Variants in CTNND2 observed in about 807,000 individuals in gnomAD.
CTNND2 encodes catenin delta 2, also known as catenin delta-2.
CTNND2 carries 22 observed loss-of-function variants against 144.4 expected under a neutral mutation model. The observed-to-expected ratio is 0.15, with a 90% CI of 0.11 to 0.22. The LOEUF is 0.22. Among genes scored for constraint, CTNND2 ranks in the 10% least tolerant of loss-of-function variants. The pLI, the probability that CTNND2 is intolerant of heterozygous loss-of-function variation, is 1.00. For synonymous variants in CTNND2, 751 were observed against 695.6 expected (o/e 1.08, Z -1.25); for missense variants, 1,353 against 1,618.8 (o/e 0.84, Z 2.82).
At chr5:11,004,271 T>C (rs1441800461) in intron 18 of CTNND2, among the ~76,000 whole-genome samples, 3 of 152,226 alleles carry the variant, frequency 2.0e-5, no homozygotes. Context: ...GTGTTTCAAT[T>C]AGTACTGCAA....
At chr5:11,468,345 G>GA (rs1202140211) in intron 3 of CTNND2, among the ~76,000 whole-genome samples, 1 of 152,186 alleles carries the variant, frequency 6.6e-6, no homozygotes, top group Non-Finnish European at 1.5e-5. Flanking sequence ...TCATAAAACA[G>GA]AAAATCATTA....
chr5:11,240,122 ACC>A (rs552250334), intron 9 of CTNND2, among the ~76,000 whole-genome samples: 2 of 148,354 alleles, frequency 1.3e-5, no homozygotes, highest in Admixed American at 6.7e-5. Flanking sequence ...ACACACACAC[ACC>A]CCCAACACAC....
intron 8 of CTNND2, among the ~76,000 whole-genome samples, chr5:11,356,562 A>C (rs561969166): frequency 2.6e-5 from 4 of 152,236 alleles, no homozygotes; most frequent in East Asian, 3.9e-4. Context: ...TGGGTTAAAG[A>C]CTTAAATGTA....
At chr5:11,708,228 A>T (rs555881118) in intron 2 of CTNND2, among the ~76,000 whole-genome samples, 230 of 150,924 alleles carry the variant, frequency 1.5e-3, no homozygotes, top group African/African-American at 5.0e-3. Flanking sequence ...ATGATTTTTT[A>T]AACTTAAATA....
chr5:11,779,244 T>C (rs911864326), intron 1 of CTNND2, among the ~76,000 whole-genome samples: 1 of 152,220 alleles, frequency 6.6e-6, no homozygotes, highest in African/African-American at 2.4e-5. Flanking sequence ...ATATTTTTAA[T>C]GTTTTCTCAC....
At chr5:11,588,192 C>T (rs1489123419) in intron 2 of CTNND2, among the ~76,000 whole-genome samples, 1 of 152,056 alleles carries the variant, frequency 6.6e-6, no homozygotes, top group African/African-American at 2.4e-5. Flanking sequence ...AACAAGTTAG[C>T]TGCCCAGTAT....
At position 11,045,244 on chromosome 5, in the gene CTNND2, G is replaced by A. The variant is rs145512123; in HGVS notation, c.2789-22265C>T. ...GTTTATTTGGATCATGGTTCTGCAG[G>A]CTGTACATAAAGCATGGTGCCAGCA... On this transcript the variant is annotated intron_variant, in intron 16 of 21. Coordinates refer to ENST00000304623, the MANE Select transcript of CTNND2 (RefSeq NM_001332.4). Among the ~76,000 whole-genome samples the A allele has an allele frequency of 3.1e-4, 47 of 152,288 alleles. 1 individual carries two copies. Among genetic ancestry groups the A allele is most frequent in the African/African-American group, 1.1e-3 (47 of 41,568 alleles).
At chr5:11,635,799 T>C (rs1347928154) in intron 2 of CTNND2, among the ~76,000 whole-genome samples, 1 of 152,100 alleles carries the variant, frequency 6.6e-6, no homozygotes, top group Non-Finnish European at 1.5e-5. Flanking sequence ...TGCAGACACA[T>C]TGCCTGAGGA....
chr5:11,506,039 T>A (rs1770999141), intron 3 of CTNND2, among the ~76,000 whole-genome samples: 1 of 152,174 alleles, frequency 6.6e-6, no homozygotes, highest in Non-Finnish European at 1.5e-5. Context: ...GTGGTACCCA[T>A]GGTGTCTGTG....
chr5:11,379,605 A>G (rs1050921906), intron 7 of CTNND2, among the ~76,000 whole-genome samples: 1 of 152,186 alleles, frequency 6.6e-6, no homozygotes, highest in East Asian at 1.9e-4. Context: ...AAAAAATATA[A>G]AAAGTAGGTT....
intron 12 of CTNND2, among the ~76,000 whole-genome samples, chr5:11,142,674 C>T (rs185006107): frequency 2.1e-5 from 3 of 144,834 alleles, no homozygotes; most frequent in Admixed American, 1.4e-4. Context: ...AGTGCAGTGG[C>T]GCGATCTCGA....
At chr5:11,116,800 G>C (rs1025638793) in intron 13 of CTNND2, among the ~76,000 whole-genome samples, 4 of 152,190 alleles carry the variant, frequency 2.6e-5, no homozygotes, top group African/African-American at 9.7e-5. Context: ...GCTCATGCCT[G>C]TAATCCCAGC....
intron 16 of CTNND2, among the ~76,000 whole-genome samples, chr5:11,042,046 G>A (rs1374911255): frequency 6.6e-6 from 1 of 152,166 alleles, no homozygotes; most frequent in Admixed American, 6.5e-5. Context: ...TATGAGAATA[G>A]AGAAACTTAT....
At chr5:11,734,858 G>A (rs1787590764) in intron 1 of CTNND2, among the ~76,000 whole-genome samples, 1 of 151,962 alleles carries the variant, frequency 6.6e-6, no homozygotes, top group South Asian at 2.1e-4. Flanking sequence ...ATTTCCTATT[G>A]AACATTTCAT....
chr5:11,331,975 C>T (rs1049426983), intron 9 of CTNND2, among the ~76,000 whole-genome samples: 4 of 152,006 alleles, frequency 2.6e-5, no homozygotes, highest in African/African-American at 9.7e-5. Context: ...GCTAAGTACC[C>T]TGATTTAAGA....
chr5:11,793,863 T>C (rs1381268427), intron 1 of CTNND2, among the ~76,000 whole-genome samples: 1 of 152,268 alleles, frequency 6.6e-6, no homozygotes, highest in East Asian at 1.9e-4. Context: ...ATGTTTTTCT[T>C]CTAACACTGG....
intron 9 of CTNND2, among the ~76,000 whole-genome samples, chr5:11,285,608 C>G (rs527627544): frequency 2.3e-3 from 351 of 152,286 alleles, no homozygotes; most frequent in African/African-American, 7.9e-3. Flanking sequence ...AGAAAATAGA[C>G]AGCTGGCCCC....
intron 14 of CTNND2, among the ~76,000 whole-genome samples, chr5:11,106,223 G>A (rs968635861): frequency 6.6e-6 from 1 of 152,210 alleles, no homozygotes; most frequent in African/African-American, 2.4e-5. Flanking sequence ...CTCTCAAGAA[G>A]TGATTAAGGG....
At chr5:11,227,158 G>T (rs1050249189) in intron 10 of CTNND2, among the ~76,000 whole-genome samples, 25 of 152,208 alleles carry the variant, frequency 1.6e-4, no homozygotes, top group African/African-American at 5.5e-4. Context: ...TATGGAATTG[G>T]TTTTACATTT....
Sources: gnomAD v4.1 joint callset for allele counts (sites outside exome capture counted in the v4.1 genomes callset) on GRCh38, gnomAD v4.1.1 for gene constraint, MANE v1.5 for transcripts, NCBI Gene and HGNC (gene_info 2026-07-23, HGNC 2026-07-21) for gene names.